SLC5A4: variants seen among roughly 807,000 people sequenced by gnomAD.
SLC5A4 encodes the protein probable glucose sensor protein SLC5A4.
A neutral mutation model predicts 70.3 loss-of-function variants in SLC5A4; 55 were observed. The ratio of observed to expected loss-of-function variants is 0.78; its 90% confidence interval spans 0.63 to 0.98. The LOEUF (loss-of-function observed/expected upper bound fraction) is 0.98. SLC5A4 is among the 50% of genes least tolerant of loss of function. SLC5A4 has a pLI of 0.00. For synonymous variants in SLC5A4, 268 were observed against 305.7 expected (o/e 0.88, Z 1.29); for missense variants, 735 against 839.2 (o/e 0.88, Z 1.53).
In SLC5A4 at chr22:32,239,229, C is replaced by T. The variant is rs1926242806; in HGVS notation, c.478-139G>A. 4 of 658,482 alleles carry T rather than the reference C, an allele frequency of 6.1e-6. No homozygotes were observed. The South Asian group carries it at 7.5e-5, about 12-fold the overall frequency. The allele number at this position is 658,482 out of a possible 1,614,324, so 40.8% of individuals were successfully genotyped here. A position where few individuals can be genotyped will look rare whatever the true frequency, so the allele number is the denominator to read the frequency against. ...CTTCAAGAATCCACTGAGATGGCCC[C>T]AGAGTAATACCTTCCATAAAGCCTC... On this transcript the variant is annotated intron_variant, in intron 5 of 14. Coordinates refer to ENST00000266086, the MANE Select transcript of SLC5A4 (RefSeq NM_014227.3).
chr22:32,266,942 A>G, the SLC5A4 span, among the ~76,000 whole-genome samples: 1 of 152,258 alleles, frequency 6.6e-6, no homozygotes, highest in Non-Finnish European at 1.5e-5. Context: ...TGGTCTAATG[A>G]GTGTGGTTTT....
At chr22:32,355,063 C>G in the SLC5A4 span, among the ~76,000 whole-genome samples, 2 of 148,092 alleles carry the variant, frequency 1.4e-5, no homozygotes, top group African/African-American at 4.9e-5. Flanking sequence ...CTTGGAATGA[C>G]AAAACTCCCC....
the SLC5A4 span, among the ~76,000 whole-genome samples, chr22:32,313,275 T>G: frequency 6.6e-6 from 1 of 152,232 alleles, no homozygotes; most frequent in Admixed American, 6.5e-5. Flanking sequence ...ATGTCATGGC[T>G]TGGGACAGTC....
the SLC5A4 span, among the ~76,000 whole-genome samples, chr22:32,322,720 C>T: frequency 1.1e-4 from 17 of 152,114 alleles, no homozygotes; most frequent in Non-Finnish European, 2.4e-4. Context: ...TGCTTCCTGC[C>T]CCTGGGCTTG....
At chr22:32,287,622 C>T in the SLC5A4 span, among the ~76,000 whole-genome samples, 3 of 151,166 alleles carry the variant, frequency 2.0e-5, no homozygotes, top group Non-Finnish European at 4.4e-5. Context: ...TGAAGACCCT[C>T]AATTTCTTTT....
chr22:32,267,196 G>A, the SLC5A4 span, among the ~76,000 whole-genome samples: 1 of 152,154 alleles, frequency 6.6e-6, no homozygotes, highest in Non-Finnish European at 1.5e-5. Flanking sequence ...TAGTGAGGAC[G>A]ATCTCCTTTG....
upstream of SLC5A4, among the ~76,000 whole-genome samples, chr22:32,256,064 C>A (rs1164100213): frequency 6.6e-6 from 1 of 152,146 alleles, no homozygotes; most frequent in Non-Finnish European, 1.5e-5. Context: ...CACCTGTAAT[C>A]CCAGCACTTT....
the SLC5A4 span, among the ~76,000 whole-genome samples, chr22:32,278,856 A>G: frequency 1.2e-4 from 19 of 152,376 alleles, no homozygotes; most frequent in African/African-American, 4.6e-4. Flanking sequence ...ACAAGATTAC[A>G]GATCAAGTCA....
the SLC5A4 span, among the ~76,000 whole-genome samples, chr22:32,277,590 C>T: frequency 6.6e-6 from 1 of 152,064 alleles, no homozygotes; most frequent in Admixed American, 6.6e-5. Context: ...CTCTGTTGCC[C>T]AGGCTGCAGT....
the SLC5A4 span, among the ~76,000 whole-genome samples, chr22:32,311,930 G>C: frequency 6.6e-6 from 1 of 152,148 alleles, no homozygotes; most frequent in African/African-American, 2.4e-5. Flanking sequence ...GCACCCCTGA[G>C]GTCAAACGAG....
At chr22:32,271,986 G>A in the SLC5A4 span, 2 of 612,152 alleles carry the variant, frequency 3.3e-6, no homozygotes, top group Non-Finnish European at 6.1e-6. Context: ...TGAGAGAGAT[G>A]AGCAGTGCAT....
chr22:32,328,902 G>A, the SLC5A4 span, among the ~76,000 whole-genome samples: 1 of 152,200 alleles, frequency 6.6e-6, no homozygotes, highest in Non-Finnish European at 1.5e-5. Flanking sequence ...ACCTTGGCCT[G>A]CACACCCCAG....
Position 32,225,795 on chromosome 22 carries a change from T to C in SLC5A4, c.1309A>G (p.Ser437Gly). The C allele has an allele frequency of 6.2e-7, 1 of 1,609,636 alleles. No homozygotes were observed. The highest frequency in any genetic ancestry group is 8.5e-7 in the Non-Finnish European group (1 of 1,177,678). Residue 437 changes from serine to glycine, a missense_variant, in exon 12 of 15, where the codon AGC (serine) becomes GGC (glycine). Coordinates refer to ENST00000266086, the MANE Select transcript of SLC5A4 (RefSeq NM_014227.3). ...RIFVLLLTVV[S>G]IVWVPLVQVS... is the part of the protein sequence containing the mutation. ...TGTACCAGTGGGACCCACACAATGC[T>C]CACAACAGTTAATAGAAGAACAAAT...
At chr22:32,314,091 TGA>T in the SLC5A4 span, among the ~76,000 whole-genome samples, 1 of 151,842 alleles carries the variant, frequency 6.6e-6, no homozygotes, top group African/African-American at 2.4e-5. Flanking sequence ...CTCCCCAGAG[TGA>T]GAGATACGCC....
the SLC5A4 span, among the ~76,000 whole-genome samples, chr22:32,333,669 C>T: frequency 6.6e-6 from 1 of 152,054 alleles, no homozygotes; most frequent in African/African-American, 2.4e-5. Flanking sequence ...TCCTGGCCCG[C>T]CCCTGATGCT....
In SLC5A4 at chr22:32,237,230, G is replaced by C; in HGVS notation, c.664+14C>G. 6.3e-7 allele frequency: 1 copy of C among 1,591,896 alleles called. No individual in the cohort carries two copies. Among genetic ancestry groups the C allele is most frequent in the Non-Finnish European group, 8.6e-7 (1 of 1,164,074 alleles). Reference sequence around the variant, plus strand: ...TTCCAGGCCCTGGGCACTGCACGCAGGGTCATCACTTACCAAACCCCATGA... The same window carrying C: ...TTCCAGGCCCTGGGCACTGCACGCACGGTCATCACTTACCAAACCCCATGA... On this transcript the variant is annotated intron_variant, in intron 7 of 14. Transcript: ENST00000266086.
At chr22:32,338,373 A>T in the SLC5A4 span, among the ~76,000 whole-genome samples, 1 of 150,792 alleles carries the variant, frequency 6.6e-6, no homozygotes, top group Non-Finnish European at 1.5e-5. Context: ...AACAGGCTGG[A>T]CGCGGTGCCT....
At chr22:32,228,654 T>C (rs1487294485) in intron 11 of SLC5A4, among the ~76,000 whole-genome samples, 2 of 152,164 alleles carry the variant, frequency 1.3e-5, no homozygotes, top group African/African-American at 2.4e-5. Context: ...TCACTTCCAC[T>C]ATCTTCAAGG....
the SLC5A4 span, among the ~76,000 whole-genome samples, chr22:32,330,019 T>TGTGTGTGTTGGGGG: frequency 1.4e-3 from 6 of 4,404 alleles, 3 homozygotes; most frequent in African/African-American, 2.1e-3. Flanking sequence ...GGCTCTGGTG[T>TGTGTGTGTTGGGGG]CTGTGTGTTG....
Sources: gnomAD v4.1 joint callset for allele counts (sites outside exome capture counted in the v4.1 genomes callset) on GRCh38, gnomAD v4.1.1 for gene constraint, MANE v1.5 for transcripts, NCBI Gene and HGNC (gene_info 2026-07-23, HGNC 2026-07-21) for gene names.